ZDHHC9: variants seen among roughly 807,000 people sequenced by gnomAD.
ZDHHC9 encodes palmitoyltransferase ZDHHC9.
ZDHHC9 carries 3 observed loss-of-function variants against 26.6 expected under a neutral mutation model. The observed-to-expected ratio is 0.11, with a 90% CI of 0.05 to 0.29. The LOEUF is 0.29. Among genes scored for constraint, ZDHHC9 ranks in the 10% least tolerant of loss-of-function variants. The pLI is 1.00. For missense variants in ZDHHC9, 146 were observed against 296.4 expected (o/e 0.49, Z 3.73); for synonymous variants, 111 against 109.4 (o/e 1.01, Z -0.09).
chrX:129,806,849 G>A (rs767220714), intron 10 of ZDHHC9, among the ~76,000 whole-genome samples: 14 of 111,672 alleles, frequency 1.3e-4, no homozygotes, highest in Non-Finnish European at 2.3e-4. Flanking sequence ...GTTTCTGCCC[G>A]AACACACAGC....
rs1159950184 is a variant in ZDHHC9 at position 129,823,804 on chromosome X, C to T, written c.362G>A (p.Arg121Gln). ...GAAATTCTTGATACGAGGCGGTGGT[C>T]GCTGGCCCTGGGGCACCGCACCATT... is the stretch of plus-strand genomic sequence containing the variant. The part of the protein sequence containing the change: ...ATNGAVPQGQ[R>Q]PPPRIKNFQI... Residue 121 changes from arginine (R) to glutamine (Q), a missense_variant, in exon 5 of 11, where the codon CGA (arginine) becomes CAA (glutamine). Arg to Gln is a conservative substitution (Grantham distance 43, BLOSUM62 1). Around this residue, in one of 2 missense-constraint regions of ZDHHC9, gnomAD observed 100 missense variants for 250.0 expected, o/e 0.40. Coordinates refer to ENST00000357166, the MANE Select transcript of ZDHHC9 (RefSeq NM_016032.4). 5 of 1,211,182 alleles carry T rather than the reference C, an allele frequency of 4.1e-6. No homozygotes were observed. Among genetic ancestry groups the T allele is most frequent in the East Asian group, 3.0e-5 (1 of 33,875 alleles).
At chrX:129,819,824 C>T (rs1927842378) in intron 5 of ZDHHC9, among the ~76,000 whole-genome samples, 1 of 110,607 alleles carries the variant, frequency 9.0e-6, no homozygotes, top group African/African-American at 3.3e-5. Context: ...GCCAGGGTCT[C>T]AGCTGGGATT....
In ZDHHC9 at chrX:129,843,713, A is replaced by G. The variant is rs1286545192; in HGVS notation, c.-221T>C. On this transcript the variant is annotated 5_prime_UTR_variant, in exon 1 of 11. Coordinates refer to ENST00000357166, the MANE Select transcript of ZDHHC9 (RefSeq NM_016032.4). ...CTCGTTACCTGAACCACGGAGACCC[A>G]ACTCGGCCGGCAGCTGACGGCAGGA... 1.2e-5 allele frequency: 1 copy of G among 81,440 alleles called. No homozygotes were observed. Among genetic ancestry groups the G allele is most frequent in the Non-Finnish European group, 2.3e-5 (1 of 44,249 alleles). 6.7% of individuals were successfully genotyped at this position (81,440 alleles called of 1,213,427 possible). A position where few individuals can be genotyped will look rare whatever the true frequency, so the allele number is the denominator to read the frequency against.
intron 7 of ZDHHC9, 133 bp downstream of exon 7, chrX:129,813,544 T>A: frequency 1.5e-6 from 1 of 676,414 alleles, no homozygotes; most frequent in Non-Finnish European, 2.3e-6. Context: ...AAGACTATAT[T>A]TTTTTAAATT....
intron 4 of ZDHHC9, among the ~76,000 whole-genome samples, chrX:129,828,170 GA>G (rs1386854022): frequency 1.8e-5 from 2 of 111,898 alleles, no homozygotes; most frequent in Non-Finnish European, 3.8e-5. Flanking sequence ...GAAGATCTAT[GA>G]ATCCCTGAAA....
At chrX:129,840,294 G>T (rs1488753401) in intron 3 of ZDHHC9, among the ~76,000 whole-genome samples, 2 of 108,768 alleles carry the variant, frequency 1.8e-5, no homozygotes, top group Non-Finnish European at 3.8e-5. Context: ...GGAGGTGGGG[G>T]TGGGGACAAA....
chrX:129,817,695 T>C (rs531390985), intron 5 of ZDHHC9, among the ~76,000 whole-genome samples: 1 of 110,734 alleles, frequency 9.0e-6, no homozygotes, highest in East Asian at 2.8e-4. Context: ...TTGCCCATTC[T>C]AGATATCTCA....
intron 4 of ZDHHC9, among the ~76,000 whole-genome samples, chrX:129,827,780 T>C (rs73565438): frequency 0.034 from 3,580 of 104,460 alleles, 139 homozygotes; most frequent in African/African-American, 0.11. Flanking sequence ...CCCTTTCACA[T>C]TGCATGTTCC....
chrX:129,810,877 G>A (rs373805398), intron 10 of ZDHHC9, 28 bp downstream of exon 10: 24 of 1,170,672 alleles, frequency 2.1e-5, no homozygotes, highest in Admixed American at 4.4e-5. Flanking sequence ...TCTCTATATC[G>A]ACCCAGCCTT....
intron 3 of ZDHHC9, among the ~76,000 whole-genome samples, chrX:129,833,232 T>C (rs1602960360): frequency 9.0e-6 from 1 of 111,513 alleles, no homozygotes; most frequent in Non-Finnish European, 1.9e-5. Flanking sequence ...TTTTAAACCA[T>C]CCTCTACTGA....
intron 5 of ZDHHC9, among the ~76,000 whole-genome samples, chrX:129,819,200 A>G (rs1927827936): frequency 9.4e-6 from 1 of 106,361 alleles, no homozygotes; most frequent in Non-Finnish European, 1.9e-5. Flanking sequence ...AAAAAAAAGA[A>G]TAAAATATAT....
intron 5 of ZDHHC9, among the ~76,000 whole-genome samples, chrX:129,819,926 G>T (rs1927845102): frequency 9.0e-6 from 1 of 110,794 alleles, no homozygotes; most frequent in Non-Finnish European, 1.9e-5. Context: ...CAAACTTCTG[G>T]CCTCAAGTGA....
chrX:129,825,634 C>T (rs942492088), intron 4 of ZDHHC9, among the ~76,000 whole-genome samples: 5 of 110,994 alleles, frequency 4.5e-5, no homozygotes, highest in Non-Finnish European at 9.4e-5. Flanking sequence ...TAAAACATTA[C>T]AGAGAAAAGC....
At chrX:129,818,286 T>C (rs1479408464) in intron 5 of ZDHHC9, among the ~76,000 whole-genome samples, 2 of 111,759 alleles carry the variant, frequency 1.8e-5, no homozygotes, top group Non-Finnish European at 3.8e-5. Flanking sequence ...GCCTCCAGAA[T>C]TGTGAGAGAA....
intron 4 of ZDHHC9, among the ~76,000 whole-genome samples, chrX:129,825,002 T>G (rs1183798983): frequency 8.9e-6 from 1 of 111,980 alleles, no homozygotes; most frequent in East Asian, 2.8e-4. Context: ...TGTAAAAATT[T>G]TGGAAAAAAA....
rs1927934010 is a variant in ZDHHC9, at chrX:129,823,332, C to T, written c.487+347G>A. On this transcript the variant is annotated intron_variant, in intron 5 of 10. Coordinates refer to ENST00000357166, the MANE Select transcript of ZDHHC9 (RefSeq NM_016032.4). ...ACAGACCTTCCTTCCTCAATGCTGC[C>T]CTCCAGTGGACTAGGTGTCTCCTCC... The T allele has an allele frequency of 1.3e-5, 3 of 226,858 alleles. No individual in the cohort carries two copies. The Admixed American group carries it at 2.0e-4, about 15-fold the overall frequency. 18.7% of individuals were successfully genotyped at this position (226,858 alleles called of 1,213,427 possible). A position where few individuals can be genotyped will look rare whatever the true frequency, so the allele number is the denominator to read the frequency against.
chrX:129,820,415 AC>A (rs1927856045), intron 5 of ZDHHC9, among the ~76,000 whole-genome samples: 2 of 92,768 alleles, frequency 2.2e-5, no homozygotes, highest in South Asian at 9.7e-4. Context: ...ACCCATCTCT[AC>A]AAAAAATACA....
intron 4 of ZDHHC9, among the ~76,000 whole-genome samples, chrX:129,828,438 C>T (rs139781362): frequency 0.06 from 6,523 of 108,940 alleles, 493 homozygotes; most frequent in African/African-American, 0.21. Context: ...CTGGCCAACA[C>T]AGTGAAATCC....
Position 129,811,498 on chromosome X carries a change from T to G in ZDHHC9, c.789A>C (p.Ser263=), listed in dbSNP as rs763972982. 3 of 1,200,089 alleles carry G rather than the reference T, an allele frequency of 2.5e-6. No individual in the cohort carries two copies. In the South Asian group the frequency reaches 5.4e-5, roughly 22 times the overall value. ...TCTGGACGCGATTCTTCCCTGTCCA[T>G]GATCCTTTGATCTGCAAGATAAAAA... ...NQTTNEDIKG[S]WTGKNRVQNP... Residue 263 remains serine (S), a synonymous_variant, in exon 9 of 11, where the codon TCA becomes TCC. Coordinates refer to ENST00000357166, the MANE Select transcript of ZDHHC9 (RefSeq NM_016032.4).
Sources: allele counts gnomAD v4.1 joint callset (sites outside exome capture counted in the v4.1 genomes callset), GRCh38; gene constraint gnomAD v4.1.1; regional missense constraint gnomAD v4.1.1; transcripts MANE v1.5; gene names NCBI Gene and HGNC (gene_info 2026-07-23, HGNC 2026-07-21).